The following ASAP1 variants were observed in gnomAD, a reference collection of about 807,000 sequenced individuals.
The protein encoded by ASAP1 is arf-GAP with SH3 domain, ANK repeat and PH domain-containing protein 1.
In ASAP1, 43 loss-of-function variants were observed where a neutral mutation model predicts 145.2. That is an observed-to-expected ratio of 0.30 (90% CI 0.23 to 0.38). The LOEUF is 0.38. ASAP1 is among the 10% of genes least tolerant of loss of function. The pLI is 1.00. For missense variants in ASAP1, 1,018 were observed against 1,355.3 expected (o/e 0.75, Z 3.91); for synonymous variants, 546 against 515.5 (o/e 1.06, Z -0.80).
intron 3 of ASAP1, among the ~76,000 whole-genome samples, chr8:130,312,772 A>G (rs1823437665): frequency 2.0e-5 from 3 of 152,236 alleles, no homozygotes; most frequent in African/African-American, 7.2e-5. Context: ...AAAGCCTAGC[A>G]CAGAAATTTT....
intron 27 of ASAP1, among the ~76,000 whole-genome samples, chr8:130,061,568 A>G (rs1393701456): frequency 5.9e-5 from 9 of 152,224 alleles, no homozygotes; most frequent in African/African-American, 2.2e-4. Context: ...CTATAGCTGT[A>G]TCATAATTTA....
chr8:130,251,698 T>C (rs1469737684), intron 3 of ASAP1, among the ~76,000 whole-genome samples: 1 of 152,168 alleles, frequency 6.6e-6, no homozygotes, highest in Admixed American at 6.6e-5. Flanking sequence ...AGAATTCTTA[T>C]GTTGCTGCTA....
At chr8:130,240,683 CAAAT>C (rs1818470500) in intron 3 of ASAP1, among the ~76,000 whole-genome samples, 2 of 152,104 alleles carry the variant, frequency 1.3e-5, no homozygotes, top group South Asian at 4.1e-4. Flanking sequence ...AATGAATTAA[CAAAT>C]AAATGAATAC....
chr8:130,152,673 T>C, intron 13 of ASAP1, 63 bp downstream of exon 13: 6 of 1,211,140 alleles, frequency 5.0e-6, no homozygotes, highest in East Asian at 2.5e-5. Context: ...TTTTTACTGC[T>C]GAGTACATAA....
chr8:130,187,530 C>G (rs1814821262), intron 6 of ASAP1, among the ~76,000 whole-genome samples: 1 of 151,968 alleles, frequency 6.6e-6, no homozygotes, highest in Admixed American at 6.6e-5. Flanking sequence ...ATCTTCCCAC[C>G]TCAGCTTCCT....
At chr8:130,180,109 G>C (rs1814254591) in intron 8 of ASAP1, among the ~76,000 whole-genome samples, 1 of 151,006 alleles carries the variant, frequency 6.6e-6, no homozygotes, top group African/African-American at 2.4e-5. Context: ...AGGGAATAGA[G>C]AGAGAAAGCG....
intron 3 of ASAP1, among the ~76,000 whole-genome samples, chr8:130,322,682 A>T (rs1586828232): frequency 6.6e-6 from 1 of 152,346 alleles, no homozygotes; most frequent in East Asian, 1.9e-4. Context: ...TTTAGTGCTT[A>T]TTATGGCAAA....
chr8:130,114,457 G>A (rs946360444), intron 23 of ASAP1, among the ~76,000 whole-genome samples: 2 of 152,206 alleles, frequency 1.3e-5, no homozygotes, highest in African/African-American at 4.8e-5. Context: ...CATAAATGGA[G>A]CTGGAAGGAC....
At chr8:130,368,345 C>T (rs1167486999) in intron 2 of ASAP1, among the ~76,000 whole-genome samples, 2 of 152,186 alleles carry the variant, frequency 1.3e-5, no homozygotes, top group Non-Finnish European at 2.9e-5. Flanking sequence ...TAAGAATTAA[C>T]TTTCACTTAC....
chr8:130,227,016 T>C (rs1321519449), intron 4 of ASAP1, among the ~76,000 whole-genome samples: 1 of 152,210 alleles, frequency 6.6e-6, no homozygotes, highest in Non-Finnish European at 1.5e-5. Context: ...TAGGACCCCA[T>C]ATTTAACTAC....
intron 2 of ASAP1, among the ~76,000 whole-genome samples, chr8:130,393,066 TC>T (rs1355848061): frequency 6.6e-6 from 1 of 152,190 alleles, no homozygotes; most frequent in Non-Finnish European, 1.5e-5. Flanking sequence ...TCATAACTTA[TC>T]TTCTTTTTAA....
At chr8:130,144,215 T>A (rs554267923) in intron 13 of ASAP1, among the ~76,000 whole-genome samples, 3 of 152,250 alleles carry the variant, frequency 2.0e-5, no homozygotes, top group South Asian at 4.1e-4. Context: ...CACTTACCAC[T>A]GCAGAGAGAT....
intron 27 of ASAP1, among the ~76,000 whole-genome samples, chr8:130,076,041 T>C (rs1169669891): frequency 6.6e-6 from 1 of 152,214 alleles, no homozygotes; most frequent in African/African-American, 2.4e-5. Flanking sequence ...AGAGCTGGTG[T>C]TGGTTCCCAA....
intron 5 of ASAP1, among the ~76,000 whole-genome samples, chr8:130,213,890 C>T (rs1007333883): frequency 1.3e-5 from 2 of 152,172 alleles, no homozygotes; most frequent in African/African-American, 4.8e-5. Context: ...GGGATGCCCA[C>T]ACACGACTGC....
In ASAP1 at chr8:130,116,895, G is replaced by A; in HGVS notation, c.1981C>T (p.Pro661Ser). 1 of 1,613,530 alleles carries A rather than the reference G, an allele frequency of 6.2e-7. No individual in the cohort carries two copies. Among genetic ancestry groups the A allele is most frequent in the South Asian group, 1.1e-5 (1 of 91,040 alleles). The change falls in exon 21 of 30, where the codon CCC (proline) becomes TCC (serine). Residue 661 changes from proline to serine, a missense_variant. Coordinates refer to ENST00000518721, the MANE Select transcript of ASAP1 (RefSeq NM_018482.4). ...ACACTCTTACCTATATCCACAGTGG[G>A]CTTGCTCCTGAGCAAAAGCTTCAAA... The part of the protein sequence containing the change: ...ECLKLLLRSK[P>S]TVDIVNQAGE...
chr8:130,323,726 T>C (rs1049655366), intron 3 of ASAP1, among the ~76,000 whole-genome samples: 6 of 152,168 alleles, frequency 3.9e-5, no homozygotes, highest in Non-Finnish European at 8.8e-5. Context: ...ATATTAAAAT[T>C]AGGCATACTA....
At chr8:130,131,987 CAG>C (rs1445204487) in intron 15 of ASAP1, among the ~76,000 whole-genome samples, 1 of 152,162 alleles carries the variant, frequency 6.6e-6, no homozygotes, top group African/African-American at 2.4e-5. Context: ...AGGGAACAAA[CAG>C]AAAGTGGTTG....
chr8:130,167,636 A>T lies in ASAP1; in HGVS notation c.823-14T>A. 6.7e-7 allele frequency: 1 copy of T among 1,486,966 alleles called. No individual in the cohort carries two copies. The highest frequency in any genetic ancestry group is 1.4e-5 in the African/African-American group (1 of 70,992). 92.1% of individuals were successfully genotyped at this position (1,486,966 alleles called of 1,614,324 possible). On this transcript the variant is annotated splice_polypyrimidine_tract_variant and intron_variant, in intron 10 of 29. Transcript: ENST00000518721. Reference sequence around the variant, plus strand: ...GGTCTGTTTTATCTATGAAAAAAAAATTACTTCTATTACTTACCATTTACA... The same window carrying T: ...GGTCTGTTTTATCTATGAAAAAAAATTTACTTCTATTACTTACCATTTACA...
chr8:130,375,443 C>T (rs1827439984), intron 2 of ASAP1, among the ~76,000 whole-genome samples: 1 of 151,844 alleles, frequency 6.6e-6, no homozygotes, highest in Non-Finnish European at 1.5e-5. Context: ...GCCTGTAATC[C>T]CAGCAATTGG....
Sources: allele counts gnomAD v4.1 joint callset (sites outside exome capture counted in the v4.1 genomes callset), GRCh38; gene constraint gnomAD v4.1.1; transcripts MANE v1.5; gene names NCBI Gene and HGNC (gene_info 2026-07-23, HGNC 2026-07-21).